BBX: variants seen among roughly 807,000 people sequenced by gnomAD.
BBX encodes BBX high mobility group box domain containing.
A neutral mutation model predicts 100.2 loss-of-function variants in BBX; 30 were observed. That is an observed-to-expected ratio of 0.30 (90% CI 0.22 to 0.41). The LOEUF is 0.41. Among genes scored for constraint, BBX ranks in the 10% least tolerant of loss-of-function variants. The pLI is 1.00. For missense variants in BBX, 1,023 were observed against 1,129.8 expected (o/e 0.91, Z 1.35); for synonymous variants, 376 against 388.1 (o/e 0.97, Z 0.37).
At position 107,807,683 on chromosome 3, in the gene BBX, A is replaced by T. The variant is rs2071126409; in HGVS notation, c.*2226A>T. ...ACATTTCACTAGAGTTCCTTACGAG[A>T]TTGCTGTATATTCCTGGGACCTTTT... On this transcript the variant is annotated 3_prime_UTR_variant, in exon 18 of 18. Transcript: ENST00000325805. 6.6e-6 allele frequency: 1 copy of T among 151,236 alleles called. No homozygotes were observed. The highest frequency in any genetic ancestry group is 2.1e-4 in the South Asian group (1 of 4,806). The allele number at this position is 151,236 out of a possible 1,614,324, so 9.4% of individuals were successfully genotyped here.
At chr3:107,605,086 A>C (rs759658853) in intron 2 of BBX, among the ~76,000 whole-genome samples, 4 of 152,206 alleles carry the variant, frequency 2.6e-5, no homozygotes, top group Non-Finnish European at 4.4e-5. Context: ...ATACATGATA[A>C]CCATTGCATT....
chr3:107,737,884 G>GTTTTTTTTTTTTTTTTTTT lies in BBX; in HGVS notation c.669+4873_669+4891dup, dbSNP rs1156396951. ...GGACCAGAAGTACTTCAGAGTTCCA[G>GTTTTTTTTTTTTTTTTTTT]TTTTTTTTTTTTTTTTTTTTTTTTT... is the stretch of plus-strand genomic sequence containing the variant. On this transcript the variant is annotated intron_variant, in intron 7 of 17. Transcript: ENST00000325805. 1.4e-4 allele frequency among the ~76,000 whole-genome samples: 7 copies of GTTTTTTTTTTTTTTTTTTT among 48,898 alleles called. 1 individual carries two copies. The highest frequency in any genetic ancestry group is 0.032 in the Middle Eastern group (2 of 62). 32.1% of individuals were successfully genotyped at this position (48,898 alleles called of 152,430 possible).
At chr3:107,562,687 A>G (rs185211697) in intron 2 of BBX, among the ~76,000 whole-genome samples, 23 of 152,202 alleles carry the variant, frequency 1.5e-4, no homozygotes, top group Admixed American at 1.4e-3. Flanking sequence ...TTTTTTTTAC[A>G]CTTCATATTT....
chr3:107,705,458 A>C (rs1372700145), intron 3 of BBX, among the ~76,000 whole-genome samples: 1 of 152,220 alleles, frequency 6.6e-6, no homozygotes, highest in African/African-American at 2.4e-5. Flanking sequence ...AGAGGATCTT[A>C]TTCACAAAAT....
intron 4 of BBX, 122 bp from the exon 5 acceptor site, chr3:107,716,485 T>G (rs2062116561): frequency 8.4e-7 from 1 of 1,195,474 alleles, no homozygotes; most frequent in Admixed American, 2.5e-5. Flanking sequence ...TATATTTTTT[T>G]CAATGTGTAA....
At chr3:107,533,403 AT>A in intron 2 of BBX, among the ~76,000 whole-genome samples, 1 of 152,318 alleles carries the variant, frequency 6.6e-6, no homozygotes, top group East Asian at 1.9e-4. Flanking sequence ...ATGATGAAAG[AT>A]TTTTTAACAT....
At chr3:107,781,254 A>G (rs971107512) in intron 13 of BBX, among the ~76,000 whole-genome samples, 1 of 151,970 alleles carries the variant, frequency 6.6e-6, no homozygotes, top group African/African-American at 2.4e-5. Context: ...TCCCATGGTC[A>G]TCCTACTATC....
intron 3 of BBX, among the ~76,000 whole-genome samples, chr3:107,647,787 C>T (rs1370519468): frequency 6.6e-6 from 1 of 152,126 alleles, no homozygotes; most frequent in Non-Finnish European, 1.5e-5. Flanking sequence ...CATTTATGTT[C>T]ATGTCCCTGA....
intron 3 of BBX, among the ~76,000 whole-genome samples, chr3:107,707,227 C>A (rs1350329835): frequency 6.6e-6 from 1 of 152,198 alleles, no homozygotes; most frequent in African/African-American, 2.4e-5. Context: ...TCTCCCCAAG[C>A]CTGTGCATCT....
intron 15 of BBX, among the ~76,000 whole-genome samples, chr3:107,791,766 G>T (rs1653197326): frequency 1.3e-5 from 2 of 152,134 alleles, no homozygotes. Flanking sequence ...ACCTCGGGAG[G>T]CCAAGGCGGG....
intron 3 of BBX, among the ~76,000 whole-genome samples, chr3:107,670,681 T>A (rs2058974105): frequency 6.6e-6 from 1 of 152,146 alleles, no homozygotes; most frequent in Non-Finnish European, 1.5e-5. Context: ...TTCATATTTG[T>A]GTTACAAATA....
chr3:107,790,962 G>A (rs187201924), intron 14 of BBX, among the ~76,000 whole-genome samples: 3 of 151,966 alleles, frequency 2.0e-5, no homozygotes, highest in Admixed American at 6.5e-5. Flanking sequence ...TTTTCATTCC[G>A]TTTTACTGAT....
chr3:107,710,397 G>A (rs1163049841), intron 3 of BBX, 55 bp from the exon 4 acceptor site: 4 of 1,398,870 alleles, frequency 2.9e-6, no homozygotes, highest in African/African-American at 2.9e-5. Context: ...ATTTATCTCG[G>A]TGTCTCTCTT....
At chr3:107,753,908 T>A (rs1331736653) in intron 9 of BBX, among the ~76,000 whole-genome samples, 1 of 152,186 alleles carries the variant, frequency 6.6e-6, no homozygotes, top group Non-Finnish European at 1.5e-5. Flanking sequence ...TTTTTGGAAT[T>A]GTACCAAAAA....
chr3:107,613,614 A>G (rs1161444069), intron 2 of BBX, among the ~76,000 whole-genome samples: 1 of 152,076 alleles, frequency 6.6e-6, no homozygotes, highest in Non-Finnish European at 1.5e-5. Context: ...CAAAGTATTC[A>G]TATTAATTTG....
chr3:107,704,534 C>A (rs1028675084), intron 3 of BBX, among the ~76,000 whole-genome samples: 14 of 152,068 alleles, frequency 9.2e-5, no homozygotes, highest in African/African-American at 3.4e-4. Flanking sequence ...AGCATGGGGC[C>A]AATATTTGGG....
At chr3:107,569,004 A>T (rs2051142749) in intron 2 of BBX, among the ~76,000 whole-genome samples, 1 of 152,176 alleles carries the variant, frequency 6.6e-6, no homozygotes, top group African/African-American at 2.4e-5. Context: ...GATTCCTCTG[A>T]GCTTCAATTT....
intron 2 of BBX, among the ~76,000 whole-genome samples, chr3:107,589,652 T>TC (rs2053148025): frequency 6.6e-6 from 1 of 152,170 alleles, no homozygotes. Flanking sequence ...GCCACAGAGT[T>TC]CTTTTTCAGT....
At chr3:107,577,627 G>A (rs180794282) in intron 2 of BBX, among the ~76,000 whole-genome samples, 8 of 152,212 alleles carry the variant, frequency 5.3e-5, no homozygotes, top group Non-Finnish European at 1.0e-4. Context: ...CATATAAATG[G>A]CTTCTGTAGT....
Sources: gnomAD v4.1 joint callset for allele counts (sites outside exome capture counted in the v4.1 genomes callset) on GRCh38, gnomAD v4.1.1 for gene constraint, MANE v1.5 for transcripts, NCBI Gene and HGNC (gene_info 2026-07-23, HGNC 2026-07-21) for gene names.